FAT3: variants seen among roughly 807,000 people sequenced by gnomAD.
FAT3 encodes FAT atypical cadherin 3, also known as protocadherin Fat 3.
Under a neutral mutation model 310.2 loss-of-function variants are expected in FAT3, and 95 were observed. The observed-to-expected ratio is 0.31, with a 90% CI of 0.26 to 0.36. The LOEUF is 0.36. Ranked by LOEUF, FAT3 falls within the 10% of genes least tolerant of loss-of-function variation. FAT3 has a pLI of 1.00. For synonymous variants in FAT3, 2,314 were observed against 2,192.9 expected (o/e 1.06, Z -1.54); for missense variants, 5,408 against 5,715.6 (o/e 0.95, Z 1.74).
chr11:92,440,415 T>G (rs1951040223), intron 2 of FAT3, among the ~76,000 whole-genome samples: 1 of 152,228 alleles, frequency 6.6e-6, no homozygotes, highest in Non-Finnish European at 1.5e-5. Flanking sequence ...AGCCACTGCC[T>G]GTAACTCTCA....
intron 4 of FAT3, among the ~76,000 whole-genome samples, chr11:92,711,587 A>G (rs1944523187): frequency 1.3e-5 from 2 of 152,182 alleles, no homozygotes; most frequent in African/African-American, 2.4e-5. Flanking sequence ...CTTGCACGCA[A>G]ATATGAACAA....
intron 2 of FAT3, among the ~76,000 whole-genome samples, chr11:92,404,601 A>G (rs1478791985): frequency 6.6e-6 from 1 of 151,522 alleles, no homozygotes; most frequent in African/African-American, 2.4e-5. Context: ...ACCTACTGGC[A>G]ATTTCCCCAG....
At position 92,415,052 on chromosome 11, in the gene FAT3, T is replaced by C. The variant is rs117329416; in HGVS notation, c.3292+59648T>C. 6.3e-3 allele frequency among the ~76,000 whole-genome samples: 965 copies of C among 152,164 alleles called. 3 individuals carry two copies. The highest frequency in any genetic ancestry group is 0.011 in the Non-Finnish European group (716 of 68,000). On this transcript the variant is annotated intron_variant, in intron 2 of 27. Coordinates refer to ENST00000525166, the MANE Select transcript of FAT3 (RefSeq NM_001367949.2). ...TGAAGAATACACTTACTTAGATACATTTGGCTTGTATTTTAATATTTCTGC... is the reference window on the plus strand; with the variant it reads ...TGAAGAATACACTTACTTAGATACACTTGGCTTGTATTTTAATATTTCTGC...
At chr11:92,230,630 C>T (rs1864136399) in intron 1 of FAT3, among the ~76,000 whole-genome samples, 1 of 152,138 alleles carries the variant, frequency 6.6e-6, no homozygotes, top group South Asian at 2.1e-4. Flanking sequence ...TTTTAAAGTT[C>T]TTTTCAGCGA....
intron 1 of FAT3, among the ~76,000 whole-genome samples, chr11:92,324,344 TTAAAA>T (rs1233917506): frequency 6.6e-6 from 1 of 152,226 alleles, no homozygotes; most frequent in Admixed American, 6.5e-5. Context: ...AGCTTTTGAT[TTAAAA>T]TGAGAGATGT....
intron 4 of FAT3, among the ~76,000 whole-genome samples, chr11:92,750,189 G>T (rs2136050942): frequency 6.6e-6 from 1 of 152,226 alleles, no homozygotes; most frequent in East Asian, 1.9e-4. Context: ...TTGGCCCTGA[G>T]ACTTTTGATA....
At chr11:92,761,740 TA>T (rs1946156103) in intron 4 of FAT3, 115 bp from the exon 5 acceptor site, 1 of 929,708 alleles carries the variant, frequency 1.1e-6, no homozygotes, top group Non-Finnish European at 1.6e-6. Flanking sequence ...AAATGAATAC[TA>T]AAAGAATTTG....
At chr11:92,336,386 C>T (rs2134560554) in intron 1 of FAT3, 2 of 365,654 alleles carry the variant, frequency 5.5e-6, no homozygotes, top group East Asian at 1.3e-4. Context: ...ACAGGGCGAC[C>T]ACAGTCCTGG....
chr11:92,786,031 T>G (rs561148297), intron 7 of FAT3, among the ~76,000 whole-genome samples: 8 of 152,284 alleles, frequency 5.3e-5, no homozygotes, highest in Admixed American at 2.6e-4. Context: ...ACTGCATGTG[T>G]AAATATAGAG....
intron 2 of FAT3, among the ~76,000 whole-genome samples, chr11:92,468,056 C>T (rs73550913): frequency 0.014 from 2,060 of 152,240 alleles, 42 homozygotes; most frequent in African/African-American, 0.048. Context: ...AAGATGTCAG[C>T]GGCAAAACAT....
intron 3 of FAT3, among the ~76,000 whole-genome samples, chr11:92,602,829 G>A (rs1278058447): frequency 1.3e-5 from 2 of 152,136 alleles, no homozygotes; most frequent in Non-Finnish European, 2.9e-5. Context: ...ATAAAGTAGG[G>A]CAAGCTTTTT....
intron 2 of FAT3, among the ~76,000 whole-genome samples, chr11:92,417,841 C>T (rs1950449758): frequency 6.6e-6 from 1 of 152,212 alleles, no homozygotes; most frequent in Non-Finnish European, 1.5e-5. Context: ...TTGCAGCTCA[C>T]TGTGGATCTC....
At chr11:92,232,780 C>T (rs1418671747) in intron 1 of FAT3, among the ~76,000 whole-genome samples, 7 of 151,888 alleles carry the variant, frequency 4.6e-5, no homozygotes, top group Admixed American at 4.6e-4. Context: ...AACTCAGTAC[C>T]TCTGAAAAAC....
At chr11:92,822,132 G>A (rs1160623935) in intron 13 of FAT3, among the ~76,000 whole-genome samples, 1 of 152,034 alleles carries the variant, frequency 6.6e-6, no homozygotes, top group East Asian at 1.9e-4. Flanking sequence ...TCCAAACAGG[G>A]ATCAAAACAC....
At chr11:92,374,134 G>C (rs1182170566) in intron 2 of FAT3, among the ~76,000 whole-genome samples, 2 of 151,790 alleles carry the variant, frequency 1.3e-5, no homozygotes, top group Admixed American at 1.3e-4. Flanking sequence ...ATTGGATGAA[G>C]ATTAATCTTC....
At chr11:92,881,072 G>A (rs1347734060) in intron 23 of FAT3, among the ~76,000 whole-genome samples, 188 bp downstream of exon 23, 6 of 152,052 alleles carry the variant, frequency 3.9e-5, no homozygotes, top group Non-Finnish European at 7.4e-5. Flanking sequence ...TGGGTAGTAG[G>A]GTCATGAGTA....
Position 92,800,764 on chromosome 11 carries a change from G to C in FAT3, c.7751G>C (p.Cys2584Ser). Residue 2584 changes from cysteine to serine, a missense_variant, in exon 10 of 28, where the codon TGC becomes TCC. By Grantham distance (112) the Cys-to-Ser change is moderately radical (BLOSUM62 -1). Coordinates refer to ENST00000525166, the MANE Select transcript of FAT3 (RefSeq NM_001367949.2). ...GATGGTGGAGGGAGAACAACTTTCT[G>C]CACTGTGAGAGTGATTGTTGTGGAT... ...ALDGGGRTTF[C>S]TVRVIVVDEN... 1 of 1,613,914 alleles carries C rather than the reference G, an allele frequency of 6.2e-7. No homozygotes were observed. Among genetic ancestry groups the C allele is most frequent in the Non-Finnish European group, 8.5e-7 (1 of 1,179,874 alleles).
intron 3 of FAT3, among the ~76,000 whole-genome samples, chr11:92,680,954 G>T (rs189541783): frequency 1.3e-5 from 2 of 152,124 alleles, no homozygotes; most frequent in Non-Finnish European, 2.9e-5. Context: ...GTCAAAAATG[G>T]TACTAAAAAC....
intron 13 of FAT3, among the ~76,000 whole-genome samples, chr11:92,820,499 C>G (rs1367775855): frequency 6.6e-6 from 1 of 152,186 alleles, no homozygotes; most frequent in African/African-American, 2.4e-5. Context: ...CTATAACACT[C>G]TTTCCTACTG....
Sources: allele counts gnomAD v4.1 joint callset (sites outside exome capture counted in the v4.1 genomes callset), GRCh38; gene constraint gnomAD v4.1.1; transcripts MANE v1.5; gene names NCBI Gene and HGNC (gene_info 2026-07-23, HGNC 2026-07-21).